Variants in DLGAP1 observed in about 807,000 individuals in gnomAD.
The protein encoded by DLGAP1 is disks large-associated protein 1.
Under a neutral mutation model 90.8 loss-of-function variants are expected in DLGAP1, and 11 were observed. The ratio of observed to expected loss-of-function variants is 0.12; its 90% CI spans 0.08 to 0.20. The LOEUF (loss-of-function observed/expected upper bound fraction) is 0.20, where lower values mean the gene tolerates loss of function less well. Ranked by LOEUF, DLGAP1 falls within the 10% of genes least tolerant of loss-of-function variation. The probability of loss-of-function intolerance (pLI) is 1.00; values close to 1 mark genes in which losing one functional copy is unlikely to be tolerated. For synonymous variants in DLGAP1, 558 were observed against 540.7 expected, an observed-to-expected ratio of 1.03 and a Z score of -0.44; for missense variants, 1,050 against 1,333.8, an observed-to-expected ratio of 0.79 and a Z score of 3.31.
intron 1 of DLGAP1, among the ~76,000 whole-genome samples, chr18:4,447,547 T>C (rs374617856): frequency 1.8e-4 from 27 of 152,126 alleles, no homozygotes; most frequent in African/African-American, 5.5e-4. Context: ...AAGAGTACAC[T>C]GAAGTCTCAA....
intron 2 of DLGAP1, among the ~76,000 whole-genome samples, chr18:4,043,695 G>A (rs931051281): frequency 2.6e-5 from 4 of 152,136 alleles, no homozygotes; most frequent in African/African-American, 9.7e-5. Context: ...TCACAGTTCC[G>A]ATTTAGAATA....
At position 3,581,767 on chromosome 18, in the gene DLGAP1, G is replaced by C. The variant is rs369684384; in HGVS notation, c.1965+108C>G. On this transcript the variant is annotated intron_variant, in intron 8 of 12. Transcript: ENST00000315677. ...ACTTGAAAATCTGGTCCTATGCATA[G>C]ATCTATGATTCCAAGCGGCAAGAAA... 69 of 1,444,308 alleles carry C rather than the reference G, an allele frequency of 4.8e-5. 1 individual carries two copies. The highest frequency in any genetic ancestry group is 1.6e-4 in the East Asian group (7 of 43,922). 89.5% of individuals were successfully genotyped at this position (1,444,308 alleles called of 1,614,324 possible).
chr18:3,536,663 C>A (rs1033046520), intron 9 of DLGAP1, among the ~76,000 whole-genome samples: 2 of 152,212 alleles, frequency 1.3e-5, no homozygotes, highest in African/African-American at 4.8e-5. Flanking sequence ...TTCTGTATTT[C>A]TGCCCTCTCC....
chr18:3,506,513 C>CAAAAAAAAAAAAAAAAAAA (rs11316330), intron 11 of DLGAP1, among the ~76,000 whole-genome samples: 1 of 69,624 alleles, frequency 1.4e-5, no homozygotes, highest in Non-Finnish European at 2.5e-5. Flanking sequence ...GACTCCGTCT[C>CAAAAAAAAAAAAAAAAAAA]AAAAAAAAAA....
Position 3,747,473 on chromosome 18 carries a change from C to T in DLGAP1, c.1173-4961G>A, listed in dbSNP as rs117598075. On this transcript the variant is annotated intron_variant, in intron 5 of 12. Coordinates refer to ENST00000315677, the MANE Select transcript of DLGAP1 (RefSeq NM_004746.4). Reference sequence around the variant, plus strand: ...AAAGTTCACTTCTCTTTAGAACTTGCGCATTAGATGACAAATGTGTTTCTT... The same window carrying T: ...AAAGTTCACTTCTCTTTAGAACTTGTGCATTAGATGACAAATGTGTTTCTT... 3.6e-3 allele frequency among the ~76,000 whole-genome samples: 550 copies of T among 152,290 alleles called. 5 individuals carry two copies. Among genetic ancestry groups the T allele is most frequent in the South Asian group, 0.011 (52 of 4,814 alleles).
Position 3,729,454 on chromosome 18 carries a change from ATCCCC to A in DLGAP1, c.1351-84_1351-80del. Reference sequence around the variant, plus strand: ...CCTCTCCAAGCATCTGCGAACTTCAATCCCCAGAAGAAAAAGCAGCGTCTGGTTAG... The same window carrying A: ...CCTCTCCAAGCATCTGCGAACTTCAAAGAAGAAAAAGCAGCGTCTGGTTAG... On this transcript the variant is annotated intron_variant, in intron 6 of 12. Transcript: ENST00000315677. This position sits in a 1 kb window ranked among gnomAD's most constrained non-coding sequence, Gnocchi z 6.2. The A allele has an allele frequency of 6.5e-7, 1 of 1,534,298 alleles. No homozygotes were observed. Among genetic ancestry groups the A allele is most frequent in the Admixed American group, 2.0e-5 (1 of 51,002 alleles).
chr18:3,700,822 G>A (rs890241342), intron 7 of DLGAP1, among the ~76,000 whole-genome samples: 9 of 151,954 alleles, frequency 5.9e-5, no homozygotes, highest in Non-Finnish European at 1.2e-4. Flanking sequence ...TTTTAGCCAG[G>A]ATGGTCTCTG....
At position 3,653,175 on chromosome 18, in the gene DLGAP1, A is replaced by G. The variant is rs1355601774; in HGVS notation, c.1592-70927T>C. Among the ~76,000 whole-genome samples, 3 of 152,196 alleles carry G rather than the reference A, an allele frequency of 2.0e-5. No homozygotes were observed. The East Asian group carries it at 5.8e-4, about 29-fold the overall frequency. Reference sequence around the variant, plus strand: ...AGTTTCAAGAGAAAAGACCTTATTCAGAGAAATATTTAGAAGACTCTTGTG... The same window carrying G: ...AGTTTCAAGAGAAAAGACCTTATTCGGAGAAATATTTAGAAGACTCTTGTG... On this transcript the variant is annotated intron_variant, in intron 7 of 12. Transcript: ENST00000315677. The surrounding 1 kb of genome is among the most constrained non-coding windows in gnomAD (Gnocchi z 4.6).
intron 12 of DLGAP1, chr18:3,502,168 T>C (rs2049974615): frequency 8.5e-7 from 1 of 1,177,118 alleles, no homozygotes; most frequent in African/African-American, 1.6e-5. Context: ...ACTGAAGATG[T>C]CATTTATTTT....
intron 2 of DLGAP1, among the ~76,000 whole-genome samples, chr18:4,081,374 A>G (rs2143615887): frequency 6.6e-6 from 1 of 151,992 alleles, no homozygotes; most frequent in South Asian, 2.1e-4. Flanking sequence ...AAACCTTCAG[A>G]GGGGCCAAGT....
chr18:3,949,587 CATT>C (rs2072944174), intron 3 of DLGAP1, among the ~76,000 whole-genome samples: 1 of 152,180 alleles, frequency 6.6e-6, no homozygotes, highest in Non-Finnish European at 1.5e-5. Flanking sequence ...GTTATATCCC[CATT>C]ATTTTACTAT....
At chr18:4,259,016 A>G (rs1161325360) in intron 1 of DLGAP1, among the ~76,000 whole-genome samples, 1 of 152,204 alleles carries the variant, frequency 6.6e-6, no homozygotes, top group Non-Finnish European at 1.5e-5. Flanking sequence ...TTTATATTTT[A>G]TTAGTCCCCA....
At chr18:4,422,568 A>C (rs1328566547) in intron 1 of DLGAP1, among the ~76,000 whole-genome samples, 1 of 152,024 alleles carries the variant, frequency 6.6e-6, no homozygotes, top group Non-Finnish European at 1.5e-5. Context: ...ATAATTCTTA[A>C]AACTTCAGAC....
At chr18:3,722,216 C>T (rs1014285819) in intron 7 of DLGAP1, 22 of 152,130 alleles carry the variant, frequency 1.4e-4, no homozygotes, top group Admixed American at 2.0e-4. Context: ...GAGGCATAGC[C>T]CCTCAAGGTT....
At chr18:3,525,750 A>G (rs1245801204) in intron 10 of DLGAP1, among the ~76,000 whole-genome samples, 1 of 152,196 alleles carries the variant, frequency 6.6e-6, no homozygotes, top group Non-Finnish European at 1.5e-5. Context: ...AAATGATAGG[A>G]GGTCTTGCTC....
chr18:3,803,443 T>C (rs2066410246), intron 5 of DLGAP1, among the ~76,000 whole-genome samples: 1 of 152,168 alleles, frequency 6.6e-6, no homozygotes, highest in South Asian at 2.1e-4. Context: ...GCAGTGTCCA[T>C]CTCTTTTGGA....
chr18:3,850,012 C>T (rs1025240688), intron 4 of DLGAP1, among the ~76,000 whole-genome samples: 5 of 152,066 alleles, frequency 3.3e-5, no homozygotes, highest in South Asian at 2.1e-4. Context: ...ACTGTGATGC[C>T]ATTAAGGCAT....
intron 3 of DLGAP1, among the ~76,000 whole-genome samples, chr18:3,961,074 C>G (rs920307820): frequency 6.6e-6 from 1 of 152,290 alleles, no homozygotes; most frequent in African/African-American, 2.4e-5. Flanking sequence ...CCCAGAACTA[C>G]GAGTCGCCCT....
chr18:3,592,887 AG>A (rs1315127282), intron 7 of DLGAP1, among the ~76,000 whole-genome samples: 59 of 61,322 alleles, frequency 9.6e-4, no homozygotes, highest in Middle Eastern at 7.5e-3. Context: ...AGAAAGAAAA[AG>A]AAAAAGAAAA....
Sources: allele counts gnomAD v4.1 joint callset (sites outside exome capture counted in the v4.1 genomes callset), GRCh38; gene constraint gnomAD v4.1.1; non-coding constraint Gnocchi (gnomAD v3.1); transcripts MANE v1.5; gene names NCBI Gene and HGNC (gene_info 2026-07-23, HGNC 2026-07-21).